PCP4: variants seen among roughly 807,000 people sequenced by gnomAD.
The protein encoded by PCP4 is Purkinje cell protein 4, also known as calmodulin regulator protein PCP4.
A neutral mutation model predicts 10.0 loss-of-function variants in PCP4; 8 were observed. The ratio of observed to expected loss-of-function variants is 0.80; its 90% CI spans 0.47 to 1.45. The LOEUF is 1.45. PCP4 is among the 40% of genes most tolerant of loss of function. PCP4 has a pLI of 0.00. For synonymous variants in PCP4, 21 were observed against 23.0 expected (o/e 0.91, Z 0.24); for missense variants, 54 against 74.4 (o/e 0.73, Z 1.01).
chr21:39,892,967 C>T (rs1453203471), intron 1 of PCP4, among the ~76,000 whole-genome samples: 1 of 152,158 alleles, frequency 6.6e-6, no homozygotes, highest in Non-Finnish European at 1.5e-5. Flanking sequence ...TTCTTACGTA[C>T]TTGTCAGGTC....
At chr21:39,927,337 CTG>C (rs1568863823) in intron 2 of PCP4, among the ~76,000 whole-genome samples, 3 of 72,238 alleles carry the variant, frequency 4.2e-5, no homozygotes, top group African/African-American at 2.0e-4. Flanking sequence ...ATCTATCTAT[CTG>C]TCTATCTATC....
At chr21:39,927,310 CTATCTATCTATCATCT>C (rs1283704746) in intron 2 of PCP4, among the ~76,000 whole-genome samples, 2 of 118,056 alleles carry the variant, frequency 1.7e-5, no homozygotes, top group South Asian at 2.8e-4. Flanking sequence ...ATCTATCTAT[CTATCTATCTATCATCT>C]ATCTATCTAT....
At chr21:39,875,128 A>C (rs2087338734) in intron 1 of PCP4, among the ~76,000 whole-genome samples, 1 of 152,196 alleles carries the variant, frequency 6.6e-6, no homozygotes, top group Non-Finnish European at 1.5e-5. Context: ...TACTGTGTGC[A>C]ATTTCTTTAT....
intron 2 of PCP4, among the ~76,000 whole-genome samples, chr21:39,900,292 C>A (rs572213948): frequency 2.0e-4 from 30 of 152,294 alleles, no homozygotes; most frequent in African/African-American, 7.0e-4. Flanking sequence ...GCCTCGGCCC[C>A]CCAAAGTGGT....
intron 2 of PCP4, among the ~76,000 whole-genome samples, chr21:39,927,355 A>G (rs1422879284): frequency 1.1e-3 from 64 of 60,376 alleles, no homozygotes; most frequent in East Asian, 1.7e-3. Context: ...CTATCTATCT[A>G]TCTATCTATC....
chr21:39,921,391 A>G (rs796081224), intron 2 of PCP4, among the ~76,000 whole-genome samples: 2 of 152,370 alleles, frequency 1.3e-5, no homozygotes, highest in African/African-American at 2.4e-5. Flanking sequence ...AGGCCCTTCT[A>G]GAACGGGGAT....
At chr21:39,902,284 G>A (rs1310258231) in intron 2 of PCP4, among the ~76,000 whole-genome samples, 2 of 152,132 alleles carry the variant, frequency 1.3e-5, no homozygotes, top group Admixed American at 6.5e-5. Context: ...ACAAGTCAGG[G>A]TGTTTGTAAT....
chr21:39,919,712 TTGTG>T lies in PCP4; in HGVS notation c.62-9263_62-9260del, dbSNP rs536815213. Reference sequence around the variant, plus strand: ...TGTGTATGTCTATGGTGTGTGTGGTTTGTGTGTGTGTGGTGTGTATGTATGTGTA... The same window carrying T: ...TGTGTATGTCTATGGTGTGTGTGGTTTGTGTGTGGTGTGTATGTATGTGTA... On this transcript the variant is annotated intron_variant, in intron 2 of 2. Transcript: ENST00000328619. Among the ~76,000 whole-genome samples the T allele has an allele frequency of 5.2e-3, 777 of 148,194 alleles. 2 individuals carry two copies. The highest frequency in any genetic ancestry group is 0.018 in the African/African-American group (730 of 40,318).
At chr21:39,917,660 G>T (rs1290917852) in intron 2 of PCP4, among the ~76,000 whole-genome samples, 2 of 152,178 alleles carry the variant, frequency 1.3e-5, no homozygotes, top group Non-Finnish European at 2.9e-5. Flanking sequence ...ACAGTCAAGA[G>T]TCATGACTTG....
Position 39,898,539 on chromosome 21 carries a change from T to G in PCP4, c.61+12T>G, listed in dbSNP as rs946904367. 8 of 1,609,770 alleles carry G rather than the reference T, an allele frequency of 5.0e-6. No individual in the cohort carries two copies. The Admixed American group carries it at 8.3e-5, about 17-fold the overall frequency. The stretch of plus-strand genomic sequence containing the variant: ...ATCTGGTGAAAATGGTAAGAGGACA[T>G]GAATAGTCCAAGTTCTTTCTCTTTT... On this transcript the variant is annotated intron_variant, in intron 2 of 2. Transcript: ENST00000328619.
At chr21:39,894,703 A>G (rs1376004252) in intron 1 of PCP4, among the ~76,000 whole-genome samples, 3 of 152,164 alleles carry the variant, frequency 2.0e-5, no homozygotes, top group Non-Finnish European at 1.5e-5. Context: ...CTGTTTCTTG[A>G]ATATTTGATT....
chr21:39,926,494 G>A (rs2087621858), intron 2 of PCP4, among the ~76,000 whole-genome samples: 1 of 116 alleles, frequency 8.6e-3, no homozygotes, highest in African/African-American at 0.028. Context: ...CTCCTACTTG[G>A]AATCAGGAGT....
intron 1 of PCP4, among the ~76,000 whole-genome samples, chr21:39,894,586 T>A (rs1279729281): frequency 1.3e-5 from 2 of 152,162 alleles, no homozygotes; most frequent in African/African-American, 2.4e-5. Context: ...GAATGACACA[T>A]TGGTGGTATT....
intron 1 of PCP4, among the ~76,000 whole-genome samples, chr21:39,888,485 A>G (rs1187232470): frequency 2.6e-5 from 4 of 152,126 alleles, no homozygotes; most frequent in African/African-American, 9.7e-5. Flanking sequence ...GGAGGCATGG[A>G]TTATCATTTT....
At chr21:39,903,606 C>G (rs1427231076) in intron 2 of PCP4, among the ~76,000 whole-genome samples, 5 of 152,118 alleles carry the variant, frequency 3.3e-5, no homozygotes, top group African/African-American at 1.2e-4. Context: ...CGGTGGCTCA[C>G]GCCTGTAATC....
intron 2 of PCP4, among the ~76,000 whole-genome samples, chr21:39,921,752 G>A (rs549827890): frequency 1.2e-4 from 18 of 152,326 alleles, no homozygotes; most frequent in Non-Finnish European, 2.1e-4. Flanking sequence ...AACCACACCT[G>A]CTAACACCTT....
chr21:39,912,033 A>T (rs920615076), intron 2 of PCP4, among the ~76,000 whole-genome samples: 2 of 152,220 alleles, frequency 1.3e-5, no homozygotes, highest in African/African-American at 4.8e-5. Flanking sequence ...GCTTAAAATG[A>T]CTTTAGCAAA....
At position 39,885,543 on chromosome 21, in the gene PCP4, T is replaced by C. The variant is rs147839202; in HGVS notation, c.10-12933T>C. 2.3e-3 allele frequency among the ~76,000 whole-genome samples: 346 copies of C among 152,356 alleles called. 1 individual carries two copies. The highest frequency in any genetic ancestry group is 5.2e-3 in the South Asian group (25 of 4,828). On this transcript the variant is annotated intron_variant, in intron 1 of 2. Coordinates refer to ENST00000328619, the MANE Select transcript of PCP4 (RefSeq NM_006198.3). ...TGAGGGAGGACACATCTCTTCTTTC[T>C]AGCCCAGGGAGTGTCCTACCTCCAT... is the stretch of plus-strand genomic sequence containing the variant.
chr21:39,919,167 C>T (rs796542337), intron 2 of PCP4, among the ~76,000 whole-genome samples: 7 of 152,246 alleles, frequency 4.6e-5, no homozygotes, highest in African/African-American at 1.7e-4. Context: ...GGGTTTGGGT[C>T]CTTAGGAGGG....
Sources: gnomAD v4.1 joint callset for allele counts (sites outside exome capture counted in the v4.1 genomes callset) on GRCh38, gnomAD v4.1.1 for gene constraint, MANE v1.5 for transcripts, NCBI Gene and HGNC (gene_info 2026-07-23, HGNC 2026-07-21) for gene names.